Variants in ZDHHC14 observed in about 807,000 individuals in gnomAD.
ZDHHC14 encodes the protein zDHHC palmitoyltransferase 14, also known as palmitoyltransferase ZDHHC14.
ZDHHC14 carries 16 observed loss-of-function variants against 47.7 expected under a neutral mutation model. That is an observed-to-expected ratio of 0.34 (90% CI 0.23 to 0.51). ZDHHC14 has a LOEUF of 0.51. Ranked by LOEUF, ZDHHC14 falls within the 20% of genes least tolerant of loss-of-function variation. The pLI is 0.97. For missense variants in ZDHHC14, 515 were observed against 662.5 expected, an observed-to-expected ratio of 0.78 and a Z score of 2.44; for synonymous variants, 293 against 278.9, an observed-to-expected ratio of 1.05 and a Z score of -0.50.
intron 7 of ZDHHC14, among the ~76,000 whole-genome samples, 197 bp from the exon 8 acceptor site, chr6:157,653,328 C>T (rs982295243): frequency 4.6e-5 from 7 of 151,982 alleles, no homozygotes; most frequent in Non-Finnish European, 1.0e-4. Flanking sequence ...CAGGCCATGC[C>T]GTAGTCATGT....
At chr6:157,450,512 G>A (rs1174687465) in intron 1 of ZDHHC14, among the ~76,000 whole-genome samples, 14 of 78,222 alleles carry the variant, frequency 1.8e-4, no homozygotes, top group Admixed American at 1.2e-3. Context: ...ATGAGACTCC[G>A]TCTTAAAAAA....
At chr6:157,385,998 A>G (rs1562405040) in intron 1 of ZDHHC14, among the ~76,000 whole-genome samples, 1 of 152,246 alleles carries the variant, frequency 6.6e-6, no homozygotes, top group Non-Finnish European at 1.5e-5. Flanking sequence ...AGTATACAGT[A>G]TAGTATATAC....
intron 1 of ZDHHC14, among the ~76,000 whole-genome samples, chr6:157,447,609 G>C (rs1778708475): frequency 6.6e-6 from 1 of 152,278 alleles, no homozygotes; most frequent in South Asian, 2.1e-4. Context: ...GCCAAGGAAG[G>C]CAGGGCTGCA....
intron 1 of ZDHHC14, among the ~76,000 whole-genome samples, chr6:157,436,161 G>A (rs1486643121): frequency 1.3e-5 from 2 of 152,142 alleles, no homozygotes; most frequent in Non-Finnish European, 2.9e-5. Flanking sequence ...GTCCTGCCAG[G>A]TGTCAGTTTC....
At chr6:157,545,729 G>A (rs1157520226) in intron 2 of ZDHHC14, among the ~76,000 whole-genome samples, 2 of 152,064 alleles carry the variant, frequency 1.3e-5, no homozygotes, top group Non-Finnish European at 2.9e-5. Context: ...AAAAGATGGG[G>A]TGGAAGAAGC....
chr6:157,411,683 T>C (rs913997628), intron 1 of ZDHHC14, among the ~76,000 whole-genome samples: 2 of 151,696 alleles, frequency 1.3e-5, no homozygotes, highest in African/African-American at 4.8e-5. Flanking sequence ...ATTTTTGGAG[T>C]TCCTTGTGAG....
At chr6:157,660,833 T>C (rs555675384) in intron 8 of ZDHHC14, among the ~76,000 whole-genome samples, 7 of 152,380 alleles carry the variant, frequency 4.6e-5, no homozygotes, top group African/African-American at 1.7e-4. Context: ...TTATTTGCTT[T>C]GGCACAAATA....
intron 1 of ZDHHC14, among the ~76,000 whole-genome samples, chr6:157,416,807 ATT>A (rs5881208): frequency 3.6e-5 from 5 of 137,420 alleles, no homozygotes; most frequent in African/African-American, 5.4e-5. Context: ...TTGTTAGCAA[ATT>A]TTTTTTTTTT....
chr6:157,605,985 C>T (rs966093470), intron 3 of ZDHHC14, among the ~76,000 whole-genome samples: 1 of 152,206 alleles, frequency 6.6e-6, no homozygotes, highest in African/African-American at 2.4e-5. Flanking sequence ...CCAGGATTAT[C>T]ATGAAGTTAG....
intron 8 of ZDHHC14, among the ~76,000 whole-genome samples, chr6:157,668,522 TA>T (rs34696696): frequency 0.061 from 7,566 of 123,856 alleles, 233 homozygotes; most frequent in East Asian, 0.18. Context: ...CCATCTCCAC[TA>T]AAAAAAAAAA....
Position 157,509,265 on chromosome 6 carries a change from A to G in ZDHHC14, c.246-33320A>G, listed in dbSNP as rs1281352105. 3.3e-5 allele frequency among the ~76,000 whole-genome samples: 5 copies of G among 152,046 alleles called. No homozygotes were observed. The South Asian group carries it at 6.2e-4, about 19-fold the overall frequency. On this transcript the variant is annotated intron_variant, in intron 1 of 8. Transcript: ENST00000359775. ...ATGTCCCCATCTTACCATCAGCTGA[A>G]TAGTGACCTTAGGAGCATCTGCAGA...
chr6:157,477,278 G>A (rs1779512220), intron 1 of ZDHHC14, among the ~76,000 whole-genome samples: 1 of 152,188 alleles, frequency 6.6e-6, no homozygotes, highest in Admixed American at 6.5e-5. Context: ...TACTCGAGAG[G>A]CAGAGGCAGG....
rs113251095 is a variant in ZDHHC14 at position 157,477,370 on chromosome 6, A to T, written c.246-65215A>T. ...ACTCCAGGCTGGGTGACAGAGTGAGACTCTGTCTCAAACAAAAAGCAAAAC... is the reference window on the plus strand; with the variant it reads ...ACTCCAGGCTGGGTGACAGAGTGAGTCTCTGTCTCAAACAAAAAGCAAAAC... On this transcript the variant is annotated intron_variant, in intron 1 of 8. Transcript: ENST00000359775. Among the ~76,000 whole-genome samples, 281 of 152,296 alleles carry T rather than the reference A, an allele frequency of 1.8e-3. 2 individuals are homozygous for T. Among genetic ancestry groups the T allele is most frequent in the African/African-American group, 6.2e-3 (256 of 41,582 alleles).
intron 1 of ZDHHC14, among the ~76,000 whole-genome samples, chr6:157,445,144 A>ACACACACACACACT (rs376300431): frequency 2.4e-3 from 347 of 146,938 alleles, no homozygotes; most frequent in African/African-American, 8.6e-3. Context: ...ACACACACAC[A>ACACACACACACACT]CTCTTCATAT....
intron 1 of ZDHHC14, among the ~76,000 whole-genome samples, chr6:157,391,368 A>G (rs1777415933): frequency 6.6e-6 from 1 of 152,182 alleles, no homozygotes; most frequent in Non-Finnish European, 1.5e-5. Context: ...GTCCGAGTGA[A>G]GGCCTGGAGT....
chr6:157,524,429 C>T (rs542083359), intron 1 of ZDHHC14, among the ~76,000 whole-genome samples: 10 of 152,210 alleles, frequency 6.6e-5, no homozygotes, highest in South Asian at 6.3e-4. Flanking sequence ...CCACCACACC[C>T]GGCATATTTG....
At chr6:157,465,172 A>G (rs1167209062) in intron 1 of ZDHHC14, among the ~76,000 whole-genome samples, 2 of 150,056 alleles carry the variant, frequency 1.3e-5, no homozygotes, top group Non-Finnish European at 3.0e-5. Context: ...TGAAAAAAAA[A>G]GATTTAATTT....
intron 3 of ZDHHC14, among the ~76,000 whole-genome samples, chr6:157,598,681 A>G (rs1282719731): frequency 1.3e-5 from 2 of 152,396 alleles, no homozygotes; most frequent in Middle Eastern, 3.4e-3. Flanking sequence ...AATTTGTTAC[A>G]TAATGCTAGT....
chr6:157,616,170 C>T (rs1337691384), intron 3 of ZDHHC14, among the ~76,000 whole-genome samples: 6 of 152,176 alleles, frequency 3.9e-5, no homozygotes, highest in Non-Finnish European at 8.8e-5. Flanking sequence ...GAAGATGTGA[C>T]AGCGGCTCCT....
Sources: allele counts gnomAD v4.1 joint callset (sites outside exome capture counted in the v4.1 genomes callset), GRCh38; gene constraint gnomAD v4.1.1; transcripts MANE v1.5; gene names NCBI Gene and HGNC (gene_info 2026-07-23, HGNC 2026-07-21).